DAGLA: variants seen among roughly 807,000 people sequenced by gnomAD.
DAGLA encodes diacylglycerol lipase alpha, also known as diacylglycerol lipase-alpha.
In DAGLA, 22 loss-of-function variants were observed where a neutral mutation model predicts 102.6. That is an observed-to-expected ratio of 0.21 (90% CI 0.15 to 0.31). The LOEUF (loss-of-function observed/expected upper bound fraction) is 0.31, where lower values mean the gene tolerates loss of function less well. Among genes scored for constraint, DAGLA ranks in the 10% least tolerant of loss-of-function variants. The pLI is 1.00. For missense variants in DAGLA, 927 were observed against 1,446.6 expected (o/e 0.64, Z 5.83); for synonymous variants, 578 against 628.9 (o/e 0.92, Z 1.21).
rs540977802 is a variant in DAGLA at position 61,724,616 on chromosome 11, G to A, written c.548+1044G>A. The stretch of plus-strand genomic sequence containing the variant: ...CCTGCACTGCTGTGTTCGGCTCCCC[G>A]TGGACCTTCCACGTCAGCTCAGCAC... On this transcript the variant is annotated intron_variant, in intron 5 of 19. Coordinates refer to ENST00000257215, the MANE Select transcript of DAGLA (RefSeq NM_006133.3). Among the ~76,000 whole-genome samples the A allele has an allele frequency of 2.0e-5, 3 of 152,310 alleles. No individual in the cohort carries two copies. In the East Asian group the frequency reaches 5.8e-4, roughly 29 times the overall value.
At chr11:61,710,183 A>G (rs181886782) in intron 1 of DAGLA, among the ~76,000 whole-genome samples, 38 of 152,208 alleles carry the variant, frequency 2.5e-4, no homozygotes, top group Non-Finnish European at 4.9e-4. Context: ...GGAAGTTCTG[A>G]GAAGCCAGAG....
chr11:61,688,612 T>A (rs1172041225), intron 1 of DAGLA, among the ~76,000 whole-genome samples: 1 of 152,144 alleles, frequency 6.6e-6, no homozygotes, highest in Non-Finnish European at 1.5e-5. Context: ...TCCCTCCCAC[T>A]CTGGGCGCCT....
At chr11:61,694,960 C>T (rs1028766060) in intron 1 of DAGLA, among the ~76,000 whole-genome samples, 15 of 152,286 alleles carry the variant, frequency 9.8e-5, no homozygotes, top group Middle Eastern at 3.4e-3. Context: ...CACGTCTCCC[C>T]GCCAGTGGAG....
chr11:61,698,464 C>T (rs530785640), intron 1 of DAGLA, among the ~76,000 whole-genome samples: 1 of 152,322 alleles, frequency 6.6e-6, no homozygotes, highest in African/African-American at 2.4e-5. Context: ...TTGGTTTCTG[C>T]TTTTGGAGAT....
At position 61,743,342 on chromosome 11, in the gene DAGLA, G is replaced by A. The variant is rs182028562; in HGVS notation, c.2172-190G>A. Among the ~76,000 whole-genome samples the A allele has an allele frequency of 7.5e-3, 1,058 of 141,846 alleles. 15 individuals are homozygous for A. The highest frequency in any genetic ancestry group is 0.027 in the African/African-American group (1,007 of 37,768). 93.1% of individuals were successfully genotyped at this position (141,846 alleles called of 152,430 possible). ...CGTGCCACTGCACTCCAGCCTGGGC[G>A]ACAGAGCGAGACTCTGTCTCAAAAA... On this transcript the variant is annotated intron_variant, in intron 19 of 19. Coordinates refer to ENST00000257215, the MANE Select transcript of DAGLA (RefSeq NM_006133.3).
intron 5 of DAGLA, among the ~76,000 whole-genome samples, chr11:61,725,058 A>T (rs945254474): frequency 6.6e-6 from 1 of 152,096 alleles, no homozygotes; most frequent in Non-Finnish European, 1.5e-5. Flanking sequence ...CTACAGATTG[A>T]TGTTAAGTGC....
Position 61,728,301 on chromosome 11 carries a change from GCCCCTTCT to G in DAGLA, c.771+17_771+24del. On this transcript the variant is annotated intron_variant, in intron 7 of 19. Coordinates refer to ENST00000257215, the MANE Select transcript of DAGLA (RefSeq NM_006133.3). The stretch of plus-strand genomic sequence containing the variant: ...GTGCTGGACGAGGTGAGCACCACCA[GCCCCTTCT>G]CCAGGTCACCTCTCCACACCACCCT... The G allele has an allele frequency of 1.9e-6, 3 of 1,607,218 alleles. No homozygotes were observed. Among genetic ancestry groups the G allele is most frequent in the Non-Finnish European group, 2.5e-6 (3 of 1,179,284 alleles).
In DAGLA at chr11:61,684,423, C is replaced by T. The variant is rs974191922; in HGVS notation, c.-45+3919C>T. Among the ~76,000 whole-genome samples the T allele has an allele frequency of 2.6e-5, 4 of 152,124 alleles. No individual in the cohort carries two copies. Among genetic ancestry groups the T allele is most frequent in the African/African-American group, 9.7e-5 (4 of 41,406 alleles). On this transcript the variant is annotated intron_variant, in intron 1 of 19. Transcript: ENST00000257215. This position sits in a 1 kb window ranked among gnomAD's most constrained non-coding sequence, Gnocchi z 4.5. ...TTTCTTTTTTTGTTTCTGATACTGA[C>T]TTGGGCTGGGCGTGGTCTTTCTGGG...
At chr11:61,737,059 A>G (rs1287577336) in intron 13 of DAGLA, 123 bp from the exon 14 acceptor site, 2 of 1,373,808 alleles carry the variant, frequency 1.5e-6, no homozygotes, top group Non-Finnish European at 2.0e-6. Context: ...TAGCATTCAC[A>G]CAGCACAGAC....
At chr11:61,732,373 C>T (rs1313606605) in intron 9 of DAGLA, among the ~76,000 whole-genome samples, 7 of 152,212 alleles carry the variant, frequency 4.6e-5, no homozygotes, top group African/African-American at 1.2e-4. Flanking sequence ...CCTCATGCCC[C>T]CTTCCCATCT....
In DAGLA at chr11:61,743,579, G is replaced by A. The variant is rs746977362; in HGVS notation, c.2219G>A (p.Arg740Gln). ...EMSLEGFSEGRLLSPVVAAAA... is the reference protein window; with the variant it reads ...EMSLEGFSEGQLLSPVVAAAA... ...AGCCTGGAGGGCTTCTCGGAGGGGC[G>A]GCTGCTGTCGCCAGTGGTTGCGGCG... Residue 740 changes from arginine (R) to glutamine (Q), a missense_variant, in exon 20 of 20, where the codon CGG becomes CAG. By Grantham distance (43) the Arg-to-Gln change is conservative. Transcript: ENST00000257215. The A allele has an allele frequency of 1.5e-5, 24 of 1,556,648 alleles. No individual in the cohort carries two copies. The highest frequency in any genetic ancestry group is 9.0e-5 in the East Asian group (4 of 44,486).
intron 1 of DAGLA, among the ~76,000 whole-genome samples, chr11:61,696,448 C>T (rs1014848512): frequency 4.6e-5 from 7 of 152,196 alleles, no homozygotes; most frequent in African/African-American, 1.2e-4. Context: ...GCAGTGGGGC[C>T]GGGGCGCTCC....
Position 61,744,633 on chromosome 11 carries a change from G to A in DAGLA, c.*144G>A, listed in dbSNP as rs2065521030. 11 of 670,712 alleles carry A rather than the reference G, an allele frequency of 1.6e-5. No individual in the cohort carries two copies. The highest frequency in any genetic ancestry group is 3.3e-5 in the Admixed American group (1 of 30,768). The allele number at this position is 670,712 out of a possible 1,614,324, so 41.5% of individuals were successfully genotyped here. On this transcript the variant is annotated 3_prime_UTR_variant, in exon 20 of 20. Coordinates refer to ENST00000257215, the MANE Select transcript of DAGLA (RefSeq NM_006133.3). ...GCACAGGCATCGCTGCTGAGCTGGG[G>A]GTCCGCATCCCTACCTCAGCTTAGG...
intron 1 of DAGLA, among the ~76,000 whole-genome samples, chr11:61,689,704 C>T (rs2065009796): frequency 7.7e-6 from 1 of 129,994 alleles, no homozygotes; most frequent in East Asian, 2.2e-4. Flanking sequence ...CAGGGTTTCA[C>T]CGTGTTAGCC....
chr11:61,728,399 G>A (rs1245817487), intron 7 of DAGLA, 112 bp downstream of exon 7: 14 of 1,351,686 alleles, frequency 1.0e-5, no homozygotes, highest in Non-Finnish European at 5.1e-6. Context: ...GCTCCCCAGT[G>A]ACCACGCACT....
intron 13 of DAGLA, among the ~76,000 whole-genome samples, chr11:61,736,711 G>T (rs420957): frequency 0.23 from 35,494 of 152,084 alleles, 5,346 homozygotes; most frequent in Non-Finnish European, 0.34. Context: ...ACCTAGGGGG[G>T]AACTGAGTCC....
In DAGLA at chr11:61,686,744, A is replaced by T. The variant is rs77789549; in HGVS notation, c.-45+6240A>T. 2.2e-3 allele frequency among the ~76,000 whole-genome samples: 339 copies of T among 152,270 alleles called. 6 individuals are homozygous for T. The East Asian group carries it at 0.038, about 17-fold the overall frequency. Reference sequence around the variant, plus strand: ...ATTCATCCTGAATGGGCCCCTCGTCATTGTCTCTCCTGGAGCCATTTAATT... The same window carrying T: ...ATTCATCCTGAATGGGCCCCTCGTCTTTGTCTCTCCTGGAGCCATTTAATT... On this transcript the variant is annotated intron_variant, in intron 1 of 19. Coordinates refer to ENST00000257215, the MANE Select transcript of DAGLA (RefSeq NM_006133.3). This position sits in a 1 kb window ranked among gnomAD's most constrained non-coding sequence, Gnocchi z 5.2.
At chr11:61,683,881 G>T (rs889481330) in intron 1 of DAGLA, among the ~76,000 whole-genome samples, 1 of 152,138 alleles carries the variant, frequency 6.6e-6, no homozygotes, top group Non-Finnish European at 1.5e-5. Flanking sequence ...GACCTCGAGG[G>T]CAAGCAGCTC....
At chr11:61,691,844 T>G (rs2065027143) in intron 1 of DAGLA, among the ~76,000 whole-genome samples, 1 of 152,226 alleles carries the variant, frequency 6.6e-6, no homozygotes, top group Admixed American at 6.5e-5. Flanking sequence ...TCCTTTCACC[T>G]CTCAGCTGCA....
Sources: gnomAD v4.1 joint callset for allele counts (sites outside exome capture counted in the v4.1 genomes callset) on GRCh38, gnomAD v4.1.1 for gene constraint, Gnocchi (gnomAD v3.1) non-coding constraint, MANE v1.5 for transcripts, NCBI Gene and HGNC (gene_info 2026-07-23, HGNC 2026-07-21) for gene names.